PTPRU: variants seen among roughly 807,000 people sequenced by gnomAD.
PTPRU encodes the protein receptor-type tyrosine-protein phosphatase U.
A neutral mutation model predicts 166.3 loss-of-function variants in PTPRU; 69 were observed. That is an observed-to-expected ratio of 0.41 (90% confidence interval 0.34 to 0.51). The LOEUF (loss-of-function observed/expected upper bound fraction) is 0.51, where lower values mean the gene tolerates loss of function less well. PTPRU is among the 20% of genes least tolerant of loss of function. The probability of loss-of-function intolerance (pLI) is 0.09; values close to 1 mark genes in which losing one functional copy is unlikely to be tolerated. For synonymous variants in PTPRU, 793 were observed against 814.0 expected (o/e 0.97, Z 0.44); for missense variants, 1,657 against 2,013.7 (o/e 0.82, Z 3.39).
rs1686617252 is a variant in PTPRU, at chr1:29,291,285, G to A, written c.2319-584G>A. 6.6e-6 allele frequency among the ~76,000 whole-genome samples: 1 copy of A among 152,086 alleles called. No homozygotes were observed. The highest frequency in any genetic ancestry group is 2.4e-5 in the African/African-American group (1 of 41,348). On this transcript the variant is annotated intron_variant, in intron 14 of 29. Coordinates refer to ENST00000373779, the MANE Select transcript of PTPRU (RefSeq NM_133178.4). This position sits in a 1 kb window ranked among gnomAD's most constrained non-coding sequence, Gnocchi z 4.1. Reference sequence around the variant, plus strand: ...TCCTAGGTGCTACTGGGAGTAGGGAGAAGCCAAGGGTGGAGTTCATTCTGT... The same window carrying A: ...TCCTAGGTGCTACTGGGAGTAGGGAAAAGCCAAGGGTGGAGTTCATTCTGT...
chr1:29,250,207 C>T (rs1684488916), intron 1 of PTPRU, among the ~76,000 whole-genome samples: 1 of 152,130 alleles, frequency 6.6e-6, no homozygotes, highest in African/African-American at 2.4e-5. Context: ...CCCTCTTCCT[C>T]ACCCTCACTG....
Position 29,320,192 on chromosome 1 carries a change from A to C in PTPRU, c.3688-493A>C, listed in dbSNP as rs1457730051. The C allele has an allele frequency of 6.5e-6, 1 of 153,492 alleles. No individual in the cohort carries two copies. The highest frequency in any genetic ancestry group is 1.4e-5 in the Non-Finnish European group (1 of 68,994). 9.5% of individuals were successfully genotyped at this position (153,492 alleles called of 1,614,324 possible). On this transcript the variant is annotated intron_variant, in intron 25 of 29. Transcript: ENST00000373779. This position sits in a 1 kb window ranked among gnomAD's most constrained non-coding sequence, Gnocchi z 5.2. ...ACTGGAAATTTCTACAAAAACAGCCAGGCAGTGTTTAATGTGGATTTGGGG... is the reference window on the plus strand; with the variant it reads ...ACTGGAAATTTCTACAAAAACAGCCCGGCAGTGTTTAATGTGGATTTGGGG...
chr1:29,295,824 C>T (rs9426411), intron 15 of PTPRU, among the ~76,000 whole-genome samples: 37,943 of 151,832 alleles, frequency 0.25, 5,996 homozygotes, highest in East Asian at 0.63. Flanking sequence ...GTAGCTGGGA[C>T]TACAGACGTG....
chr1:29,318,014 G>A (rs1462805717), intron 25 of PTPRU, 93 bp downstream of exon 25: 1 of 1,480,340 alleles, frequency 6.8e-7, no homozygotes, highest in Non-Finnish European at 9.1e-7. Context: ...TGAAGGCTCT[G>A]TTGGGGGGAC....
chr1:29,275,488 C>G lies in PTPRU; in HGVS notation c.1185C>G (p.Ile395Met). ...RAPKGLAFAE[I>M]QARQLTLQWE... ...CCAAAGGCCTGGCTTTTGCTGAGAT[C>G]CAGGCCCGTCAGCTGACCCTGCAGT... The change falls in exon 8 of 30, where the codon ATC becomes ATG. Residue 395 changes from isoleucine (I) to methionine (M), a missense_variant. Ile to Met is a conservative substitution (Grantham distance 10). Coordinates refer to ENST00000373779, the MANE Select transcript of PTPRU (RefSeq NM_133178.4). The G allele has an allele frequency of 6.2e-7, 1 of 1,614,170 alleles. No individual in the cohort carries two copies. Among genetic ancestry groups the G allele is most frequent in the Non-Finnish European group, 8.5e-7 (1 of 1,180,008 alleles).
Position 29,275,533 on chromosome 1 carries a change from C to T in PTPRU, c.1230C>T (p.Asn410=), listed in dbSNP as rs112126003. 175 of 1,614,214 alleles carry T rather than the reference C, an allele frequency of 1.1e-4. 2 individuals are homozygous for T. In the African/African-American group the frequency reaches 1.6e-3, roughly 15 times the overall value. Residue 410 remains asparagine (N), a synonymous_variant, in exon 8 of 30, where the codon AAC becomes AAT. Transcript: ENST00000373779. ...TGCAGTGGGAACCACTGGGCTACAA[C>T]GTGACGCGTTGCCACACCTATACTG... The part of the protein sequence containing the change: ...LTLQWEPLGY[N]VTRCHTYTVS...
chr1:29,278,116 C>T (rs1485257132), intron 8 of PTPRU, among the ~76,000 whole-genome samples: 2 of 152,046 alleles, frequency 1.3e-5, no homozygotes, highest in African/African-American at 2.4e-5. Flanking sequence ...CCACCGTGCC[C>T]AGCCAGTTGT....
intron 7 of PTPRU, among the ~76,000 whole-genome samples, chr1:29,267,733 C>G (rs957583814): frequency 2.6e-5 from 4 of 152,154 alleles, no homozygotes; most frequent in Admixed American, 2.6e-4. Context: ...TGGGGAGCCA[C>G]TGAAGAGTTT....
intron 16 of PTPRU, among the ~76,000 whole-genome samples, chr1:29,304,446 C>T (rs1053392743): frequency 1.3e-5 from 2 of 152,274 alleles, no homozygotes; most frequent in Non-Finnish European, 2.9e-5. Flanking sequence ...CTGACATCAC[C>T]CTTATCCTAA....
chr1:29,313,891 A>C (rs1419648471), intron 22 of PTPRU, among the ~76,000 whole-genome samples: 4 of 152,188 alleles, frequency 2.6e-5, no homozygotes, highest in Non-Finnish European at 5.9e-5. Flanking sequence ...AGAAAGGAGC[A>C]GAACATGAAC....
Position 29,236,675 on chromosome 1 carries a change from C to T in PTPRU, c.31C>T (p.Leu11Phe), listed in dbSNP as rs2151935504. Residue 11 changes from leucine (L) to phenylalanine (F), a missense_variant, in exon 1 of 30, where the codon CTC becomes TTC. Around this residue, in one of 3 missense-constraint regions of PTPRU, gnomAD observed 453 missense variants for 496.9 expected, o/e 0.91. Transcript: ENST00000373779. The surrounding 1 kb of genome is among the most constrained non-coding windows in gnomAD (Gnocchi z 4.6). ...CCGTGCCCAGGCGCTCGTGCTGGCACTCACCTTCCAGCTCTGCGCGCCGGA... is the reference window on the plus strand; with the variant it reads ...CCGTGCCCAGGCGCTCGTGCTGGCATTCACCTTCCAGCTCTGCGCGCCGGA... MARAQALVLA[L>F]TFQLCAPETE... 5 of 1,462,042 alleles carry T rather than the reference C, an allele frequency of 3.4e-6. No individual in the cohort carries two copies. The highest frequency in any genetic ancestry group is 4.5e-6 in the Non-Finnish European group (5 of 1,108,724). The allele number at this position is 1,462,042 out of a possible 1,614,324, so 90.6% of individuals were successfully genotyped here.
chr1:29,289,578 G>A (rs1301064338), intron 14 of PTPRU: 11 of 1,403,898 alleles, frequency 7.8e-6, no homozygotes, highest in South Asian at 3.6e-5. Context: ...TCCCCAGCCC[G>A]GGAGGTACCC....
rs774856384 is a variant in PTPRU, at chr1:29,259,546, C to G, written c.657C>G (p.Ala219=). ...QCMAAGRAAE[A]ERFLLQRQSG... The stretch of plus-strand genomic sequence containing the variant: ...TGGCCGCGGGCAGAGCGGCCGAGGC[C>G]GAACGCTTCCTCTTGCAAGTGAGCG... The change falls in exon 5 of 30, where the codon GCC becomes GCG. Residue 219 remains alanine (A), a synonymous_variant. Transcript: ENST00000373779. 7 of 1,592,290 alleles carry G rather than the reference C, an allele frequency of 4.4e-6. No individual in the cohort carries two copies. The highest frequency in any genetic ancestry group is 6.0e-6 in the Non-Finnish European group (7 of 1,167,972).
intron 1 of PTPRU, among the ~76,000 whole-genome samples, chr1:29,244,247 A>G (rs1004793313): frequency 1.3e-5 from 2 of 152,056 alleles, no homozygotes; most frequent in Non-Finnish European, 1.5e-5. Context: ...ACACTGTCAG[A>G]TGTCCACTGT....
chr1:29,326,146 G>T lies in PTPRU; in HGVS notation c.*485G>T, dbSNP rs1429485122. ...GATTCCATCTGGCCCAGCCCCTGAAGGTCCTGGGGAAGCAGGTCTCAATTC... is the reference window on the plus strand; with the variant it reads ...GATTCCATCTGGCCCAGCCCCTGAATGTCCTGGGGAAGCAGGTCTCAATTC... On this transcript the variant is annotated 3_prime_UTR_variant, in exon 30 of 30. Transcript: ENST00000373779. The T allele has an allele frequency of 4.2e-5, 15 of 355,576 alleles. No individual in the cohort carries two copies. The highest frequency in any genetic ancestry group is 7.5e-5 in the Non-Finnish European group (15 of 198,910). 22.0% of individuals were successfully genotyped at this position (355,576 alleles called of 1,614,324 possible).
chr1:29,289,545 T>A, intron 14 of PTPRU: 1 of 959,108 alleles, frequency 1.0e-6, no homozygotes, highest in South Asian at 1.5e-5. Context: ...CCTCCTGACC[T>A]GTTCAGTCCC....
At chr1:29,313,748 G>GTGAGGCTGAGGTGGGAAGTTTGTT (rs1687773254) in intron 22 of PTPRU, among the ~76,000 whole-genome samples, 3 of 152,200 alleles carry the variant, frequency 2.0e-5, no homozygotes, top group Admixed American at 1.3e-4. Context: ...CCAGCTACCT[G>GTGAGGCTGAGGTGGGAAGTTTGTT]TGAGGCTGAG....
chr1:29,316,215 T>G, intron 24 of PTPRU, 64 bp downstream of exon 24: 1 of 1,538,580 alleles, frequency 6.5e-7, no homozygotes, highest in Non-Finnish European at 8.9e-7. Flanking sequence ...TGGGGCATCC[T>G]TAATACTGCA....
intron 3 of PTPRU, 57 bp from the exon 4 acceptor site, chr1:29,259,204 T>C: frequency 6.5e-7 from 1 of 1,538,788 alleles, no homozygotes; most frequent in East Asian, 2.3e-5. Context: ...AGTGGGCACC[T>C]CCCCAGGCAA....
Sources: gnomAD v4.1 joint callset for allele counts (sites outside exome capture counted in the v4.1 genomes callset) on GRCh38, gnomAD v4.1.1 for gene constraint, gnomAD v4.1.1 regional missense constraint, Gnocchi (gnomAD v3.1) non-coding constraint, MANE v1.5 for transcripts, NCBI Gene and HGNC (gene_info 2026-07-23, HGNC 2026-07-21) for gene names.